STRN: variants seen among roughly 807,000 people sequenced by gnomAD.
STRN encodes the protein striatin, also known as protein phosphatase 2 regulatory subunit B'''alpha.
A neutral mutation model predicts 96.3 loss-of-function variants in STRN; 53 were observed. The observed-to-expected ratio is 0.55, with a 90% CI of 0.44 to 0.69. The LOEUF is 0.69. Ranked by LOEUF, STRN falls within the 30% of genes least tolerant of loss-of-function variation. The pLI, the probability that STRN is intolerant of heterozygous loss-of-function variation, is 0.00. For synonymous variants in STRN, 428 were observed against 355.9 expected (o/e 1.20, Z -2.28); for missense variants, 987 against 963.9 (o/e 1.02, Z -0.32).
chr2:36,906,603 C>A (rs1451030033), intron 3 of STRN, among the ~76,000 whole-genome samples: 23 of 152,060 alleles, frequency 1.5e-4, no homozygotes, highest in Non-Finnish European at 1.5e-5. Context: ...CAATCCAAAC[C>A]TGTTTCCTTC....
chr2:36,896,651 C>G (rs981453580), intron 6 of STRN, among the ~76,000 whole-genome samples: 7 of 152,074 alleles, frequency 4.6e-5, no homozygotes, highest in African/African-American at 1.7e-4. Flanking sequence ...AGGGCCATGA[C>G]ACAAGGGGAC....
intron 3 of STRN, among the ~76,000 whole-genome samples, chr2:36,915,272 T>TAA (rs1218133894): frequency 3.2e-5 from 4 of 124,714 alleles, no homozygotes; most frequent in Non-Finnish European, 6.6e-5. Context: ...TATATATATA[T>TAA]AAAGCCTCTA....
intron 12 of STRN, among the ~76,000 whole-genome samples, chr2:36,861,842 C>T (rs549744615): frequency 2.0e-5 from 3 of 152,128 alleles, no homozygotes; most frequent in East Asian, 1.9e-4. Context: ...CATGCCTTGG[C>T]GGTTTGCTGT....
At chr2:36,895,751 A>G (rs1160997354) in intron 6 of STRN, among the ~76,000 whole-genome samples, 1 of 51,984 alleles carries the variant, frequency 1.9e-5, no homozygotes, top group Non-Finnish European at 5.9e-5. Flanking sequence ...TCTCTACTAA[A>G]AATACAAAAA....
In STRN at chr2:36,955,209, G is replaced by A. The variant is rs76752048; in HGVS notation, c.234+11021C>T. ...TATAGAGAGCAATGCCCTGGCCTGG[G>A]TACTAGGACTCATGGGTTCTAAACT... On this transcript the variant is annotated intron_variant, in intron 1 of 17. Coordinates refer to ENST00000263918, the MANE Select transcript of STRN (RefSeq NM_003162.4). 3.9e-5 allele frequency among the ~76,000 whole-genome samples: 6 copies of A among 152,162 alleles called. No homozygotes were observed. In the South Asian group the frequency reaches 1.2e-3, roughly 32 times the overall value.
chr2:36,921,904 G>A (rs1414583598), intron 2 of STRN, among the ~76,000 whole-genome samples: 2 of 151,842 alleles, frequency 1.3e-5, no homozygotes, highest in Non-Finnish European at 2.9e-5. Context: ...TTCCAGATTG[G>A]ATCCTGGACC....
At chr2:36,910,158 A>G (rs1439837311) in intron 3 of STRN, among the ~76,000 whole-genome samples, 1 of 145,170 alleles carries the variant, frequency 6.9e-6, no homozygotes, top group Non-Finnish European at 1.5e-5. Context: ...GGGGGACAAG[A>G]GCGAGACTTT....
chr2:36,942,679 G>C (rs1443988371), intron 1 of STRN, among the ~76,000 whole-genome samples: 2 of 152,048 alleles, frequency 1.3e-5, no homozygotes, highest in South Asian at 4.1e-4. Flanking sequence ...ATCTCTCCCA[G>C]TACTGGGTGT....
intron 6 of STRN, among the ~76,000 whole-genome samples, chr2:36,895,673 A>G (rs2148190885): frequency 6.6e-6 from 1 of 151,296 alleles, no homozygotes; most frequent in South Asian, 2.1e-4. Flanking sequence ...GCACTTTGGG[A>G]GGCCGAGATG....
intron 1 of STRN, 128 bp downstream of exon 1, chr2:36,966,102 G>A (rs1572707376): frequency 1.7e-5 from 19 of 1,132,674 alleles, no homozygotes; most frequent in Non-Finnish European, 2.2e-5. Context: ...ACGGGGCTCC[G>A]GGTGGGATGG....
At chr2:36,924,269 T>C (rs1157072268) in intron 2 of STRN, among the ~76,000 whole-genome samples, 1 of 147,542 alleles carries the variant, frequency 6.8e-6, no homozygotes, top group African/African-American at 2.5e-5. Flanking sequence ...GGCAGGAGAA[T>C]GGTGTGAACC....
chr2:36,941,325 C>T (rs1483122867), intron 1 of STRN, among the ~76,000 whole-genome samples: 3 of 152,170 alleles, frequency 2.0e-5, no homozygotes, highest in Non-Finnish European at 4.4e-5. Context: ...ACTCTATGAT[C>T]TGGTCATTGC....
intron 2 of STRN, among the ~76,000 whole-genome samples, chr2:36,923,445 CAAAAAAAAA>C (rs1200328345): frequency 1.7e-5 from 1 of 58,492 alleles, no homozygotes; most frequent in Non-Finnish European, 3.7e-5. Flanking sequence ...AGCAGGACTC[CAAAAAAAAA>C]AAAAAAAAAA....
chr2:36,964,653 T>C (rs920287576), intron 1 of STRN, among the ~76,000 whole-genome samples: 1 of 152,204 alleles, frequency 6.6e-6, no homozygotes, highest in Non-Finnish European at 1.5e-5. Context: ...ACTCCCTAAC[T>C]TCATTCAGCT....
At chr2:36,949,129 T>C (rs537482110) in intron 1 of STRN, among the ~76,000 whole-genome samples, 8 of 152,330 alleles carry the variant, frequency 5.3e-5, no homozygotes, top group African/African-American at 1.9e-4. Context: ...ATTCGTCTTG[T>C]GTTACATCTG....
intron 1 of STRN, among the ~76,000 whole-genome samples, chr2:36,964,561 A>T (rs185396796): frequency 1.3e-5 from 2 of 152,344 alleles, no homozygotes; most frequent in Admixed American, 1.3e-4. Flanking sequence ...CTACAGCAAT[A>T]TAACAATAGG....
At chr2:36,947,026 G>A (rs1007815551) in intron 1 of STRN, among the ~76,000 whole-genome samples, 2 of 152,086 alleles carry the variant, frequency 1.3e-5, no homozygotes, top group South Asian at 4.2e-4. Flanking sequence ...CTCCTGAGTA[G>A]CAGGGACTAC....
chr2:36,891,942 A>G (rs961528992), intron 7 of STRN, among the ~76,000 whole-genome samples: 2 of 152,110 alleles, frequency 1.3e-5, no homozygotes, highest in African/African-American at 4.8e-5. Context: ...GAACTCTTTC[A>G]TTTTTCCTTC....
Position 36,927,524 on chromosome 2 carries a change from A to AGGGGG in STRN, c.235-2321_235-2317dup, listed in dbSNP as rs3080759. On this transcript the variant is annotated intron_variant, in intron 1 of 17. Coordinates refer to ENST00000263918, the MANE Select transcript of STRN (RefSeq NM_003162.4). ...ACCCTATATCAAAAAAACAAAAAAA[A>AGGGGG]GGGGGGGGGGGGTGGTAATCAGGGC... Among the ~76,000 whole-genome samples the AGGGGG allele has an allele frequency of 2.3e-4, 18 of 79,582 alleles. No individual in the cohort carries two copies. The East Asian group carries it at 3.8e-3, about 17-fold the overall frequency. The allele number at this position is 79,582 out of a possible 152,430, so 52.2% of individuals were successfully genotyped here. A position where few individuals can be genotyped will look rare whatever the true frequency, so the allele number is the denominator to read the frequency against.
Sources: allele counts gnomAD v4.1 joint callset (sites outside exome capture counted in the v4.1 genomes callset), GRCh38; gene constraint gnomAD v4.1.1; transcripts MANE v1.5; gene names NCBI Gene and HGNC (gene_info 2026-07-23, HGNC 2026-07-21).